Variants in TRA2A observed in about 807,000 individuals in gnomAD.
TRA2A encodes transformer 2 alpha homolog.
Under a neutral mutation model 45.7 loss-of-function variants are expected in TRA2A, and 31 were observed. The ratio of observed to expected loss-of-function variants is 0.68; its 90% CI spans 0.51 to 0.92. The LOEUF (loss-of-function observed/expected upper bound fraction) is 0.92. Among genes scored for constraint, TRA2A ranks in the 40% least tolerant of loss-of-function variants. The pLI is 0.00. For synonymous variants in TRA2A, 132 were observed against 126.2 expected, an observed-to-expected ratio of 1.05 and a Z score of -0.31; for missense variants, 304 against 367.5, an observed-to-expected ratio of 0.83 and a Z score of 1.41.
intron 3 of TRA2A, among the ~76,000 whole-genome samples, chr7:23,513,623 C>A (rs1220761871): frequency 6.6e-6 from 1 of 152,056 alleles, no homozygotes; most frequent in Non-Finnish European, 1.5e-5. Context: ...ATGTTTGTTT[C>A]TCGGTGTTGT....
rs1428631075 is a variant in TRA2A at position 23,531,728 on chromosome 7, T to A, written c.36+61A>T. On this transcript the variant is annotated intron_variant, in intron 1 of 7. Coordinates refer to ENST00000297071, the MANE Select transcript of TRA2A (RefSeq NM_013293.5). ...CCGCAACCCCGCCCGACCGCGCTTG[T>A]TCCCGTGAAACCCCGAGCATTGGGC... 3.7e-6 allele frequency: 6 copies of A among 1,600,212 alleles called. No individual in the cohort carries two copies. In the East Asian group the frequency reaches 1.1e-4, roughly 30 times the overall value.
Position 23,521,827 on chromosome 7 carries a change from T to G in TRA2A, c.50A>C (p.Gln17Pro). 1 of 1,614,146 alleles carries G rather than the reference T, an allele frequency of 6.2e-7. No homozygotes were observed. Among genetic ancestry groups the G allele is most frequent in the Non-Finnish European group, 8.5e-7 (1 of 1,180,030 alleles). Reference sequence around the variant, plus strand: ...AGGAGTTCCCGTTGGAGATTTTGACTGAGAGCGAGACTCCTAACAAAGAAG... The same window carrying G: ...AGGAGTTCCCGTTGGAGATTTTGACGGAGAGCGAGACTCCTAACAAAGAAG... The part of the protein sequence containing the change: ...NNFEGRESRS[Q>P]SKSPTGTPAR... The change falls in exon 2 of 8, where the codon CAG becomes CCG. Residue 17 changes from glutamine to proline, a missense_variant. Physicochemically the swap from Gln to Pro is moderately conservative, Grantham distance 76. Coordinates refer to ENST00000297071, the MANE Select transcript of TRA2A (RefSeq NM_013293.5).
chr7:23,530,800 T>C (rs936627090), intron 1 of TRA2A, among the ~76,000 whole-genome samples: 3 of 152,308 alleles, frequency 2.0e-5, no homozygotes, highest in African/African-American at 7.2e-5. Context: ...AGAGGGCCTG[T>C]TAATTTTCAG....
At chr7:23,528,926 T>C (rs1380898445) in intron 1 of TRA2A, among the ~76,000 whole-genome samples, 2 of 152,178 alleles carry the variant, frequency 1.3e-5, no homozygotes, top group African/African-American at 4.8e-5. Flanking sequence ...CCTCTTCAAC[T>C]GTAGAAAACA....
chr7:23,518,876 G>A (rs377349992), intron 2 of TRA2A, among the ~76,000 whole-genome samples: 3 of 151,682 alleles, frequency 2.0e-5, no homozygotes, highest in Non-Finnish European at 4.4e-5. Context: ...TAGTAGAGAC[G>A]GGGTCTCAAC....
intron 4 of TRA2A, among the ~76,000 whole-genome samples, chr7:23,509,348 C>T (rs563488302): frequency 6.6e-6 from 1 of 152,182 alleles, no homozygotes; most frequent in South Asian, 2.1e-4. Context: ...ATTATCTTCA[C>T]CATATGCACA....
chr7:23,505,816 G>A lies in TRA2A; in HGVS notation c.771-3C>T, dbSNP rs1185639528. The stretch of plus-strand genomic sequence containing the variant: ...AATAAGGAGAAGGTGATCGTCTTCT[G>A]TAAGAAATGAAAGATTACTTAGCAT... On this transcript the variant is annotated splice_polypyrimidine_tract_variant and splice_region_variant and intron_variant, in intron 6 of 7. Transcript: ENST00000297071. 3 of 1,523,562 alleles carry A rather than the reference G, an allele frequency of 2.0e-6. No individual in the cohort carries two copies. Among genetic ancestry groups the A allele is most frequent in the Non-Finnish European group, 2.6e-6 (3 of 1,136,740 alleles). The allele number at this position is 1,523,562 out of a possible 1,614,324, so 94.4% of individuals were successfully genotyped here. A position where few individuals can be genotyped will look rare whatever the true frequency, so the allele number is the denominator to read the frequency against.
chr7:23,531,473 G>A, intron 1 of TRA2A: 1 of 403,776 alleles, frequency 2.5e-6, no homozygotes. Context: ...CCGCGACGGG[G>A]ACCCACACCT....
chr7:23,508,928 G>A (rs73285964), intron 4 of TRA2A, among the ~76,000 whole-genome samples: 3 of 152,236 alleles, frequency 2.0e-5, no homozygotes, highest in African/African-American at 7.2e-5. Context: ...TTGAAGATAA[G>A]AGTTGTCTCT....
chr7:23,523,489 T>C (rs1790219015), intron 1 of TRA2A, among the ~76,000 whole-genome samples: 1 of 152,222 alleles, frequency 6.6e-6, no homozygotes, highest in Non-Finnish European at 1.5e-5. Flanking sequence ...CACCAATTTA[T>C]TTATGCCTTA....
At chr7:23,509,789 T>C (rs1789513022) in intron 4 of TRA2A, among the ~76,000 whole-genome samples, 1 of 151,958 alleles carries the variant, frequency 6.6e-6, no homozygotes, top group Admixed American at 6.6e-5. Context: ...TCCTGGCACT[T>C]TGGGGAGGCC....
chr7:23,513,544 G>A (rs956126219), intron 3 of TRA2A, among the ~76,000 whole-genome samples: 5 of 152,076 alleles, frequency 3.3e-5, no homozygotes, highest in African/African-American at 4.8e-5. Context: ...CTTGAATCCA[G>A]AAGGTGGAGG....
intron 6 of TRA2A, 31 bp downstream of exon 6, chr7:23,506,107 T>A: frequency 6.3e-7 from 1 of 1,576,220 alleles, no homozygotes; most frequent in South Asian, 1.1e-5. Flanking sequence ...ATCATCTAAT[T>A]TAGAACAGAA....
intron 1 of TRA2A, among the ~76,000 whole-genome samples, chr7:23,528,717 G>C (rs920344024): frequency 6.6e-6 from 1 of 151,392 alleles, no homozygotes; most frequent in East Asian, 2.0e-4. Context: ...GCCCAGGCTG[G>C]AGTGCAGTGA....
At chr7:23,508,406 C>A (rs928941643) in intron 4 of TRA2A, among the ~76,000 whole-genome samples, 2 of 151,928 alleles carry the variant, frequency 1.3e-5, no homozygotes, top group East Asian at 1.9e-4. Flanking sequence ...TAGCTAGGAC[C>A]ACAGGTTTGT....
At chr7:23,507,889 G>C (rs1255467557) in intron 4 of TRA2A, among the ~76,000 whole-genome samples, 1 of 152,154 alleles carries the variant, frequency 6.6e-6, no homozygotes, top group Non-Finnish European at 1.5e-5. Context: ...GAGATCAACA[G>C]GGGAGCGGAG....
Position 23,505,500 on chromosome 7 carries a change from T to TAA in TRA2A, c.*57_*58dup, listed in dbSNP as rs777556731. 1,978 of 348,764 alleles carry TAA rather than the reference T, an allele frequency of 5.7e-3. No individual in the cohort carries two copies. The highest frequency in any genetic ancestry group is 0.012 in the African/African-American group (225 of 18,556). The allele number at this position is 348,764 out of a possible 1,614,324, so 21.6% of individuals were successfully genotyped here. A position where few individuals can be genotyped will look rare whatever the true frequency, so the allele number is the denominator to read the frequency against. ...CCACAGCTTGGGGAAATCTCAGAAT[T>TAA]AAAAAAAAAAAAAAAAAAAAGAGGA... is the stretch of plus-strand genomic sequence containing the variant. On this transcript the variant is annotated 3_prime_UTR_variant, in exon 8 of 8. Coordinates refer to ENST00000297071, the MANE Select transcript of TRA2A (RefSeq NM_013293.5).
At chr7:23,508,486 T>C (rs1048825494) in intron 4 of TRA2A, among the ~76,000 whole-genome samples, 3 of 152,006 alleles carry the variant, frequency 2.0e-5, no homozygotes, top group African/African-American at 4.8e-5. Flanking sequence ...TTCCATTCAA[T>C]GGAATGCATT....
At chr7:23,519,380 C>T (rs1339428232) in intron 2 of TRA2A, among the ~76,000 whole-genome samples, 1 of 151,762 alleles carries the variant, frequency 6.6e-6, no homozygotes, top group Non-Finnish European at 1.5e-5. Flanking sequence ...GAGACTCCGT[C>T]TTCAAAAAAA....
Sources: allele counts gnomAD v4.1 joint callset (sites outside exome capture counted in the v4.1 genomes callset), GRCh38; gene constraint gnomAD v4.1.1; transcripts MANE v1.5; gene names NCBI Gene and HGNC (gene_info 2026-07-23, HGNC 2026-07-21).